Variants in DCHS2 observed in about 807,000 individuals in gnomAD.
DCHS2 encodes protocadherin-23.
A neutral mutation model predicts 182.4 loss-of-function variants in DCHS2; 142 were observed. The ratio of observed to expected loss-of-function variants is 0.78; its 90% CI spans 0.68 to 0.89. The LOEUF (loss-of-function observed/expected upper bound fraction) is 0.89. DCHS2 is among the 40% of genes least tolerant of loss of function. The pLI, the probability that DCHS2 is intolerant of heterozygous loss-of-function variation, is 0.00. For synonymous variants in DCHS2, 1,740 were observed against 1,663.3 expected, an observed-to-expected ratio of 1.05 and a Z score of -1.12; for missense variants, 4,319 against 4,198.6, an observed-to-expected ratio of 1.03 and a Z score of -0.79.
chr4:154,471,678 G>T (rs112494392), intron 1 of DCHS2, among the ~76,000 whole-genome samples: 1 of 151,966 alleles, frequency 6.6e-6, no homozygotes, highest in Non-Finnish European at 1.5e-5. Context: ...AACTAAAGTC[G>T]CATTATGGTC....
At chr4:154,297,800 G>A in intron 13 of DCHS2, 51 bp downstream of exon 13, 1 of 1,556,840 alleles carries the variant, frequency 6.4e-7, no homozygotes, top group Non-Finnish European at 8.7e-7. Flanking sequence ...GTACTCTTAA[G>A]CATTTTGTCA....
chr4:154,271,606 G>T (rs977302760), intron 13 of DCHS2, among the ~76,000 whole-genome samples: 1 of 152,038 alleles, frequency 6.6e-6, no homozygotes, highest in African/African-American at 2.4e-5. Context: ...CAGCCGGAAG[G>T]GTCCCAAGTA....
chr4:154,377,198 C>T, intron 2 of DCHS2, 55 bp downstream of exon 2: 1 of 1,540,176 alleles, frequency 6.5e-7, no homozygotes, highest in East Asian at 2.3e-5. Flanking sequence ...GTGATGTATA[C>T]ACAGTGGCTC....
intron 3 of DCHS2, among the ~76,000 whole-genome samples, chr4:154,350,399 C>A (rs982869830): frequency 6.6e-6 from 1 of 151,722 alleles, no homozygotes; most frequent in Non-Finnish European, 1.5e-5. Context: ...CTGTGAAGAT[C>A]TGTAGTTTTT....
At chr4:154,339,691 C>G (rs1378081603) in intron 3 of DCHS2, among the ~76,000 whole-genome samples, 1 of 152,168 alleles carries the variant, frequency 6.6e-6, no homozygotes, top group East Asian at 1.9e-4. Context: ...TTGTGATCCG[C>G]CCATCTCGGC....
chr4:154,259,440 A>C, intron 15 of DCHS2, 105 bp downstream of exon 15: 2 of 1,513,982 alleles, frequency 1.3e-6, no homozygotes, highest in Non-Finnish European at 1.8e-6. Flanking sequence ...TACAGGGATT[A>C]GAAATTTTTA....
chr4:154,380,126 C>G (rs1180028896), intron 1 of DCHS2, among the ~76,000 whole-genome samples: 1 of 152,142 alleles, frequency 6.6e-6, no homozygotes, highest in African/African-American at 2.4e-5. Context: ...CTGAGAACCC[C>G]TGGGCATGAT....
intron 13 of DCHS2, among the ~76,000 whole-genome samples, chr4:154,284,145 T>G (rs1195216465): frequency 6.6e-6 from 1 of 152,192 alleles, no homozygotes; most frequent in Non-Finnish European, 1.5e-5. Flanking sequence ...TACACTACAG[T>G]ATTTCCATAA....
chr4:154,389,363 G>A (rs1731565698), intron 1 of DCHS2, among the ~76,000 whole-genome samples: 2 of 151,904 alleles, frequency 1.3e-5, no homozygotes, highest in Non-Finnish European at 2.9e-5. Context: ...GAAAAACAGA[G>A]TCAACACTTC....
At chr4:154,312,646 A>G (rs927948084) in intron 10 of DCHS2, among the ~76,000 whole-genome samples, 1 of 152,238 alleles carries the variant, frequency 6.6e-6, no homozygotes, top group Non-Finnish European at 1.5e-5. Context: ...TTGCCTGAGT[A>G]TATGATACAG....
At chr4:154,334,795 T>C in intron 4 of DCHS2, 73 bp downstream of exon 4, 5 of 1,221,826 alleles carry the variant, frequency 4.1e-6, no homozygotes, top group Non-Finnish European at 6.0e-6. Context: ...TTATTCAAGA[T>C]TGTACCGCCT....
chr4:154,318,726 T>A (rs1469160357), intron 9 of DCHS2, among the ~76,000 whole-genome samples: 1 of 152,130 alleles, frequency 6.6e-6, no homozygotes, highest in Non-Finnish European at 1.5e-5. Context: ...GAAAGACATG[T>A]ATGTTCATAG....
chr4:154,323,480 C>A (rs1029808161), intron 7 of DCHS2, among the ~76,000 whole-genome samples: 1 of 152,156 alleles, frequency 6.6e-6, no homozygotes, highest in African/African-American at 2.4e-5. Flanking sequence ...CAGGCATGGG[C>A]CAAAAGCTAG....
At chr4:154,404,166 C>T (rs1351497375) in intron 1 of DCHS2, among the ~76,000 whole-genome samples, 2 of 151,730 alleles carry the variant, frequency 1.3e-5, no homozygotes, top group African/African-American at 4.8e-5. Context: ...AAAACATTTC[C>T]CTCTAATAAT....
Position 154,373,894 on chromosome 4 carries a change from G to C in DCHS2, c.2244+3359C>G, listed in dbSNP as rs745574020. 1.9e-6 allele frequency: 3 copies of C among 1,575,076 alleles called. No homozygotes were observed. The African/African-American group carries it at 4.1e-5, about 22-fold the overall frequency. The stretch of plus-strand genomic sequence containing the variant: ...CAGGCACCAGATGTTAAAAGACTCA[G>C]ATTATAGAAACATCATGTTCCTTAC... On this transcript the variant is annotated intron_variant, in intron 2 of 19. Transcript: ENST00000357232.
At chr4:154,326,017 A>T (rs1400972653) in intron 7 of DCHS2, among the ~76,000 whole-genome samples, 1 of 152,312 alleles carries the variant, frequency 6.6e-6, no homozygotes, top group African/African-American at 2.4e-5. Flanking sequence ...GTATTCCGTG[A>T]ATATACCATA....
intron 1 of DCHS2, among the ~76,000 whole-genome samples, chr4:154,413,222 C>T (rs1217657571): frequency 6.6e-6 from 1 of 152,134 alleles, no homozygotes; most frequent in African/African-American, 2.4e-5. Flanking sequence ...CAACTATTAA[C>T]AATCTATCCA....
In DCHS2 at chr4:154,234,609, T is replaced by C. The variant is rs763227598; in HGVS notation, c.10043A>G (p.Glu3348Gly). Residue 3348 changes from glutamate to glycine, a missense_variant, in exon 20 of 20, where the codon GAA becomes GGA. Coordinates refer to ENST00000357232, the MANE Select transcript of DCHS2 (RefSeq NM_001358235.2). ...GATGTGTGTTCCTAATAATTCTCCT[T>C]CTCTCAACAGTGGAGACAAGGCAGG... ...QPPALSPLLR[E>G]GELLGTHISG... 6.2e-7 allele frequency: 1 copy of C among 1,613,984 alleles called. No homozygotes were observed. Among genetic ancestry groups the C allele is most frequent in the Non-Finnish European group, 8.5e-7 (1 of 1,179,922 alleles).
chr4:154,475,159 C>A (rs1309829107), intron 1 of DCHS2, among the ~76,000 whole-genome samples: 1 of 151,994 alleles, frequency 6.6e-6, no homozygotes, highest in Non-Finnish European at 1.5e-5. Flanking sequence ...ATTTTTTATA[C>A]ATATCAAAGA....
Sources: allele counts gnomAD v4.1 joint callset (sites outside exome capture counted in the v4.1 genomes callset), GRCh38; gene constraint gnomAD v4.1.1; transcripts MANE v1.5; gene names NCBI Gene and HGNC (gene_info 2026-07-23, HGNC 2026-07-21).